SRPX2: variants seen among roughly 807,000 people sequenced by gnomAD.
The protein encoded by SRPX2 is sushi repeat-containing protein SRPX2.
SRPX2 carries 26 observed loss-of-function variants against 45.3 expected under a neutral mutation model. The ratio of observed to expected loss-of-function variants is 0.57; its 90% CI spans 0.42 to 0.80. The LOEUF is 0.80. SRPX2 is among the 30% of genes least tolerant of loss of function. SRPX2 has a pLI of 0.00. For missense variants in SRPX2, 355 were observed against 399.8 expected, an observed-to-expected ratio of 0.89 and a Z score of 0.95; for synonymous variants, 125 against 143.7, an observed-to-expected ratio of 0.87 and a Z score of 0.93.
rs1475420266 is a variant in SRPX2, at chrX:100,673,845, G to A, written c.*2858G>A. The A allele has an allele frequency of 2.7e-5, 3 of 111,831 alleles. No homozygotes were observed. Among genetic ancestry groups the A allele is most frequent in the Non-Finnish European group, 5.6e-5 (3 of 53,233 alleles). The allele number at this position is 111,831 out of a possible 1,213,427, so 9.2% of individuals were successfully genotyped here. A position where few individuals can be genotyped will look rare whatever the true frequency, so the allele number is the denominator to read the frequency against. ...ACAGTAGGCTTGAGTTTCCTCATCT[G>A]TAAAAAGGGAAGATTTCCTACTTCA... On this transcript the variant is annotated 3_prime_UTR_variant, in exon 11 of 11. Transcript: ENST00000373004.
chrX:100,667,442 T>C, intron 9 of SRPX2, 35 bp downstream of exon 9: 1 of 1,207,914 alleles, frequency 8.3e-7, no homozygotes, highest in Non-Finnish European at 1.1e-6. Context: ...GCTTAGCTCC[T>C]GTAAATTATC....
Position 100,671,006 on chromosome X carries a change from T to C in SRPX2, c.*19T>C, listed in dbSNP as rs1244141963. ...CGAGTGAACTTGAGCCAGGGCATGG[T>C]TAAAGTCAAGGGAAAAGCTCCTCTA... On this transcript the variant is annotated 3_prime_UTR_variant, in exon 11 of 11. Coordinates refer to ENST00000373004, the MANE Select transcript of SRPX2 (RefSeq NM_014467.3). 8.4e-7 allele frequency: 1 copy of C among 1,197,054 alleles called. No individual in the cohort carries two copies. The highest frequency in any genetic ancestry group is 1.1e-6 in the Non-Finnish European group (1 of 887,982).
Position 100,660,714 on chromosome X carries a change from G to A in SRPX2, c.164-1462G>A, listed in dbSNP as rs770572272. Among the ~76,000 whole-genome samples the A allele has an allele frequency of 7.2e-5, 8 of 111,163 alleles. 1 individual carries two copies. In the South Asian group the frequency reaches 1.2e-3, roughly 16 times the overall value. On this transcript the variant is annotated intron_variant, in intron 3 of 10. Coordinates refer to ENST00000373004, the MANE Select transcript of SRPX2 (RefSeq NM_014467.3). ...AAATTAGCTGGGCGTGGTGGCAGGC[G>A]CCTGTAGTCCCAGCTACTCGGGAGG...
chrX:100,646,205 T>G lies in SRPX2; in HGVS notation c.-118T>G. 3.3e-6 allele frequency: 2 copies of G among 613,671 alleles called. No homozygotes were observed. The highest frequency in any genetic ancestry group is 2.3e-5 in the South Asian group (1 of 44,124). 50.6% of individuals were successfully genotyped at this position (613,671 alleles called of 1,213,427 possible). A position where few individuals can be genotyped will look rare whatever the true frequency, so the allele number is the denominator to read the frequency against. ...TTCTTCCTCACAGATCCCATATTTC[T>G]GCTTCCCCTCACTTTTAGAAGTTAA... On this transcript the variant is annotated 5_prime_UTR_variant, in exon 2 of 11. Coordinates refer to ENST00000373004, the MANE Select transcript of SRPX2 (RefSeq NM_014467.3).
intron 10 of SRPX2, among the ~76,000 whole-genome samples, chrX:100,669,906 G>T (rs1467183062): frequency 9.2e-6 from 1 of 109,193 alleles, no homozygotes; most frequent in African/African-American, 3.3e-5. Context: ...CCGAGTAGCT[G>T]GGATTACAGG....
intron 3 of SRPX2, among the ~76,000 whole-genome samples, chrX:100,660,558 G>A (rs1344941214): frequency 8.9e-6 from 1 of 112,003 alleles, no homozygotes; most frequent in African/African-American, 3.2e-5. Flanking sequence ...GGCTGGGCGC[G>A]GTGGCTCATG....
intron 10 of SRPX2, among the ~76,000 whole-genome samples, chrX:100,669,789 T>TTTTG (rs397839498): frequency 9.8e-6 from 1 of 102,361 alleles, no homozygotes; most frequent in South Asian, 4.7e-4. Flanking sequence ...TTTTTTTTTT[T>TTTTG]GAGACACAGT....
At chrX:100,651,135 T>C in intron 3 of SRPX2, 1 of 358,643 alleles carries the variant, frequency 2.8e-6, no homozygotes, top group East Asian at 4.8e-5. Context: ...CTGTGGGTAA[T>C]ACAAGGTCTC....
At chrX:100,656,113 G>A (rs772024060) in intron 3 of SRPX2, among the ~76,000 whole-genome samples, 27 of 110,073 alleles carry the variant, frequency 2.5e-4, no homozygotes, top group Admixed American at 1.6e-3. Flanking sequence ...CGCCTGCCTC[G>A]GCCTCCCAAA....
chrX:100,651,252 G>A (rs1249437989), intron 3 of SRPX2, among the ~76,000 whole-genome samples: 1 of 111,138 alleles, frequency 9.0e-6, no homozygotes, highest in Non-Finnish European at 1.9e-5. Context: ...TGTCATAGCA[G>A]TAAATGCAAT....
At chrX:100,654,548 T>A (rs1003318065) in intron 3 of SRPX2, among the ~76,000 whole-genome samples, 18 of 111,492 alleles carry the variant, frequency 1.6e-4, no homozygotes, top group Non-Finnish European at 3.4e-4. Flanking sequence ...GACACTGACT[T>A]AGGGAAAATC....
In SRPX2 at chrX:100,664,960, G is replaced by A; in HGVS notation, c.532+10G>A. On this transcript the variant is annotated intron_variant, in intron 5 of 10. Transcript: ENST00000373004. ...GAGCCTGTATGTGTAGGTAAATGCT[G>A]GTTGCTCCCAGTTGTCCTGGTGCAA... 1 of 1,209,197 alleles carries A rather than the reference G, an allele frequency of 8.3e-7. No homozygotes were observed. The highest frequency in any genetic ancestry group is 1.1e-6 in the Non-Finnish European group (1 of 894,652).
Position 100,671,201 on chromosome X carries a change from G to A in SRPX2, c.*214G>A, listed in dbSNP as rs1225406899. The A allele has an allele frequency of 2.2e-6, 1 of 455,803 alleles. No homozygotes were observed. Among genetic ancestry groups the A allele is most frequent in the Non-Finnish European group, 3.8e-6 (1 of 262,032 alleles). 37.6% of individuals were successfully genotyped at this position (455,803 alleles called of 1,213,427 possible). A position where few individuals can be genotyped will look rare whatever the true frequency, so the allele number is the denominator to read the frequency against. ...GGTAGGGACTGAGGACAGGCCTTGG[G>A]CAGTGGGTTGGGGGTAGAAGTTCTT... On this transcript the variant is annotated 3_prime_UTR_variant, in exon 11 of 11. Transcript: ENST00000373004.
At chrX:100,667,915 G>A (rs1343726815) in intron 9 of SRPX2, among the ~76,000 whole-genome samples, 1 of 111,691 alleles carries the variant, frequency 9.0e-6, no homozygotes, top group African/African-American at 3.3e-5. Flanking sequence ...ACTTGCCCAA[G>A]GTCACTAGCT....
At chrX:100,645,116 A>G (rs1348214345) in intron 1 of SRPX2, among the ~76,000 whole-genome samples, 3 of 111,813 alleles carry the variant, frequency 2.7e-5, no homozygotes, top group African/African-American at 6.5e-5. Flanking sequence ...ATGAACTAAA[A>G]AATACACTTT....
rs778819366 is a variant in SRPX2 at position 100,657,022 on chromosome X, G to A, written c.164-5154G>A. On this transcript the variant is annotated intron_variant, in intron 3 of 10. Coordinates refer to ENST00000373004, the MANE Select transcript of SRPX2 (RefSeq NM_014467.3). ...GGCTCACTGCAACCTCTGCCTCCTG[G>A]GTTCAAGCGATTCTCCTGCCTCAGC... 9.1e-5 allele frequency among the ~76,000 whole-genome samples: 10 copies of A among 110,175 alleles called. No individual in the cohort carries two copies. In the East Asian group the frequency reaches 2.9e-3, roughly 32 times the overall value.
chrX:100,662,080 C>T (rs1333116563), intron 3 of SRPX2, 96 bp from the exon 4 acceptor site: 1 of 897,867 alleles, frequency 1.1e-6, no homozygotes, highest in African/African-American at 2.0e-5. Context: ...TACTTCTGGG[C>T]TCTCTATTTT....
intron 3 of SRPX2, among the ~76,000 whole-genome samples, chrX:100,656,093 T>C (rs915894678): frequency 9.1e-6 from 1 of 110,214 alleles, no homozygotes; most frequent in African/African-American, 3.3e-5. Flanking sequence ...ACTCCTGACC[T>C]CAGGTGATCC....
chrX:100,665,530 A>T lies in SRPX2; in HGVS notation c.660-6A>T, dbSNP rs759689601. ...CTCAGTGTTTATTTCACCCTGTCCC[A>T]TGCAGGGTGACACTTCGGGGCCCTG... is the stretch of plus-strand genomic sequence containing the variant. On this transcript the variant is annotated splice_polypyrimidine_tract_variant and splice_region_variant and intron_variant, in intron 6 of 10. Coordinates refer to ENST00000373004, the MANE Select transcript of SRPX2 (RefSeq NM_014467.3). The T allele has an allele frequency of 3.3e-6, 4 of 1,211,770 alleles. No individual in the cohort carries two copies. Among genetic ancestry groups the T allele is most frequent in the Non-Finnish European group, 4.5e-6 (4 of 895,434 alleles).
Sources: allele counts gnomAD v4.1 joint callset (sites outside exome capture counted in the v4.1 genomes callset), GRCh38; gene constraint gnomAD v4.1.1; transcripts MANE v1.5; gene names NCBI Gene and HGNC (gene_info 2026-07-23, HGNC 2026-07-21).